Variants in CSMD3 observed in about 807,000 individuals in gnomAD.
CSMD3 encodes CUB and sushi domain-containing protein 3.
Under a neutral mutation model 435.2 loss-of-function variants are expected in CSMD3, and 177 were observed. The observed-to-expected ratio is 0.41, with a 90% CI of 0.36 to 0.46. CSMD3 has a LOEUF of 0.46. Among genes scored for constraint, CSMD3 ranks in the 20% least tolerant of loss-of-function variants. CSMD3 has a pLI of 0.34. For missense variants in CSMD3, 4,265 were observed against 4,504.6 expected (o/e 0.95, Z 1.52); for synonymous variants, 1,656 against 1,520.5 (o/e 1.09, Z -2.07).
intron 10 of CSMD3, among the ~76,000 whole-genome samples, chr8:112,868,539 C>T (rs769661609): frequency 6.6e-6 from 1 of 152,074 alleles, no homozygotes; most frequent in Non-Finnish European, 1.5e-5. Flanking sequence ...GCTACAATGT[C>T]ACTAGGTGAT....
intron 35 of CSMD3, among the ~76,000 whole-genome samples, chr8:112,405,211 C>A (rs372932074): frequency 0.74 from 13,248 of 17,978 alleles, 5,223 homozygotes; most frequent in South Asian, 0.78. Flanking sequence ...AAAAAAAAAC[C>A]CCCATATATA....
intron 38 of CSMD3, among the ~76,000 whole-genome samples, chr8:112,373,300 C>T (rs1369733096): frequency 2.0e-5 from 3 of 152,008 alleles, no homozygotes; most frequent in Non-Finnish European, 2.9e-5. Context: ...TGATTCTTCC[C>T]TTATGTTACT....
At chr8:112,698,975 A>G (rs1374736858) in intron 13 of CSMD3, among the ~76,000 whole-genome samples, 8 of 152,112 alleles carry the variant, frequency 5.3e-5, no homozygotes, top group African/African-American at 1.9e-4. Flanking sequence ...AAATGCACCA[A>G]TCAGCACTCT....
intron 4 of CSMD3, among the ~76,000 whole-genome samples, chr8:113,126,775 G>A (rs2131661946): frequency 6.6e-6 from 1 of 151,872 alleles, no homozygotes; most frequent in East Asian, 1.9e-4. Flanking sequence ...AAAAACAGCA[G>A]AGGATTCTGT....
chr8:112,247,176 C>A (rs1814818487), intron 63 of CSMD3, 45 bp from the exon 64 acceptor site: 2 of 1,152,030 alleles, frequency 1.7e-6, no homozygotes, highest in Non-Finnish European at 2.6e-6. Flanking sequence ...CCTACAACTT[C>A]AAATATGGCA....
intron 13 of CSMD3, among the ~76,000 whole-genome samples, chr8:112,747,528 A>G (rs2077460647): frequency 6.6e-6 from 1 of 152,038 alleles, no homozygotes; most frequent in Non-Finnish European, 1.5e-5. Context: ...TGGTATAGGC[A>G]TTGTCTGCAA....
At chr8:112,948,531 A>C (rs916954943) in intron 8 of CSMD3, among the ~76,000 whole-genome samples, 5 of 152,024 alleles carry the variant, frequency 3.3e-5, no homozygotes, top group Non-Finnish European at 7.4e-5. Flanking sequence ...CAGAAAGTCA[A>C]AGATGTATTA....
At chr8:112,603,304 A>T (rs1400129949) in intron 22 of CSMD3, among the ~76,000 whole-genome samples, 1 of 152,258 alleles carries the variant, frequency 6.6e-6, no homozygotes, top group Non-Finnish European at 1.5e-5. Flanking sequence ...ACAACAAAAA[A>T]TATCTGAGAA....
At chr8:112,554,096 C>T (rs1417443207) in intron 25 of CSMD3, among the ~76,000 whole-genome samples, 1 of 151,950 alleles carries the variant, frequency 6.6e-6, no homozygotes, top group Admixed American at 6.6e-5. Flanking sequence ...TTAACTTGCC[C>T]TATGGACTTT....
intron 30 of CSMD3, among the ~76,000 whole-genome samples, chr8:112,498,819 T>A (rs964153689): frequency 7.3e-6 from 1 of 137,086 alleles, no homozygotes; most frequent in African/African-American, 2.8e-5. Flanking sequence ...TTCTCATGTA[T>A]AAAATTTAGA....
chr8:112,257,326 A>G (rs1815905900), intron 61 of CSMD3, among the ~76,000 whole-genome samples: 1 of 152,204 alleles, frequency 6.6e-6, no homozygotes, highest in South Asian at 2.1e-4. Context: ...AAATAGGAAG[A>G]CAGGAAGTCA....
chr8:113,336,278 T>G (rs1484933731), intron 1 of CSMD3, among the ~76,000 whole-genome samples: 1 of 152,082 alleles, frequency 6.6e-6, no homozygotes, highest in Non-Finnish European at 1.5e-5. Context: ...ACATGTTCTA[T>G]TCTTTGCTGA....
intron 10 of CSMD3, among the ~76,000 whole-genome samples, chr8:112,910,331 G>C (rs907579957): frequency 2.0e-5 from 3 of 151,624 alleles, no homozygotes; most frequent in African/African-American, 7.3e-5. Context: ...AAAAATTTCA[G>C]TTTCATCCAA....
intron 6 of CSMD3, among the ~76,000 whole-genome samples, chr8:112,991,828 G>A (rs534512026): frequency 4.6e-5 from 7 of 151,974 alleles, no homozygotes; most frequent in African/African-American, 1.7e-4. Flanking sequence ...ATGTAATGAT[G>A]TGACTACATA....
At chr8:113,031,877 T>TG (rs1274534363) in intron 5 of CSMD3, among the ~76,000 whole-genome samples, 1 of 151,516 alleles carries the variant, frequency 6.6e-6, no homozygotes, top group Non-Finnish European at 1.5e-5. Flanking sequence ...GATTGGATTA[T>TG]GGGGGCAGTT....
chr8:113,087,185 C>A (rs183311448), intron 5 of CSMD3, among the ~76,000 whole-genome samples: 2 of 152,118 alleles, frequency 1.3e-5, no homozygotes, highest in Non-Finnish European at 2.9e-5. Context: ...AAACCACATA[C>A]GTGGAAAGTG....
At chr8:112,390,483 T>C (rs543522562) in intron 36 of CSMD3, among the ~76,000 whole-genome samples, 181 bp downstream of exon 36, 1 of 152,348 alleles carries the variant, frequency 6.6e-6, no homozygotes, top group Admixed American at 6.5e-5. Flanking sequence ...TTATGCCATC[T>C]TGAATTGGCT....
chr8:112,247,967 G>C (rs1814906364), intron 63 of CSMD3, among the ~76,000 whole-genome samples: 1 of 152,108 alleles, frequency 6.6e-6, no homozygotes, highest in African/African-American at 2.4e-5. Flanking sequence ...ATATTAGATT[G>C]ATTGGCATTT....
At chr8:112,574,865 A>T (rs1480338368) in intron 23 of CSMD3, among the ~76,000 whole-genome samples, 1 of 151,706 alleles carries the variant, frequency 6.6e-6, no homozygotes, top group African/African-American at 2.4e-5. Flanking sequence ...TGCCTTACTT[A>T]CTCATGGCCT....
Sources: gnomAD v4.1 joint callset for allele counts (sites outside exome capture counted in the v4.1 genomes callset) on GRCh38, gnomAD v4.1.1 for gene constraint, MANE v1.5 for transcripts, NCBI Gene and HGNC (gene_info 2026-07-23, HGNC 2026-07-21) for gene names.